RSF1: variants seen among roughly 807,000 people sequenced by gnomAD.
RSF1 encodes HBV pX-associated protein 8.
A neutral mutation model predicts 145.2 loss-of-function variants in RSF1; 13 were observed. The ratio of observed to expected loss-of-function variants is 0.09; its 90% CI spans 0.06 to 0.14. The LOEUF is 0.14. RSF1 is among the 10% of genes least tolerant of loss of function. The pLI, the probability that RSF1 is intolerant of heterozygous loss-of-function variation, is 1.00. For synonymous variants in RSF1, 577 were observed against 592.6 expected (o/e 0.97, Z 0.38); for missense variants, 1,517 against 1,718.2 (o/e 0.88, Z 2.07).
At chr11:77,749,798 G>A (rs1267905760) in intron 2 of RSF1, among the ~76,000 whole-genome samples, 1 of 152,090 alleles carries the variant, frequency 6.6e-6, no homozygotes, top group Non-Finnish European at 1.5e-5. Context: ...GCCCAGGCTG[G>A]AGTGCAGTGG....
At chr11:77,756,970 G>GT (rs1469746876) in intron 2 of RSF1, among the ~76,000 whole-genome samples, 1 of 152,172 alleles carries the variant, frequency 6.6e-6, no homozygotes, top group Non-Finnish European at 1.5e-5. Flanking sequence ...TACAAAGTGA[G>GT]TAACTGACAC....
intron 5 of RSF1, among the ~76,000 whole-genome samples, chr11:77,716,390 G>C (rs1190396000): frequency 6.6e-6 from 1 of 152,168 alleles, no homozygotes; most frequent in Non-Finnish European, 1.5e-5. Context: ...TTAACAGATA[G>C]AAGGATAAAG....
the RSF1 span, among the ~76,000 whole-genome samples, chr11:77,847,703 G>T: frequency 2.9e-3 from 443 of 152,298 alleles, 2 homozygotes; most frequent in African/African-American, 0.01. Context: ...TATATATGCA[G>T]AACTTAGTTT....
intron 4 of RSF1, chr11:77,739,436 AT>A (rs1201954138): frequency 6.6e-6 from 1 of 152,290 alleles, no homozygotes; most frequent in Non-Finnish European, 1.5e-5. Flanking sequence ...TGGTAAATAA[AT>A]TTTAGTTTAG....
the RSF1 span, among the ~76,000 whole-genome samples, chr11:77,861,119 A>T: frequency 6.6e-6 from 1 of 152,036 alleles, no homozygotes; most frequent in Non-Finnish European, 1.5e-5. Context: ...GCTCGTCCAT[A>T]TTGTCCTTCT....
chr11:77,727,867 T>C (rs79217098), intron 4 of RSF1, among the ~76,000 whole-genome samples: 2,878 of 152,336 alleles, frequency 0.019, 36 homozygotes, highest in Non-Finnish European at 0.028. Flanking sequence ...CTGTTTAATG[T>C]GTTTAAACAC....
At position 77,665,479 on chromosome 11, in the gene RSF1, A is replaced by G. The variant is rs570191713; in HGVS notation, c.*1438T>C. ...TGGCTCTGCCTGAAATTTTACAGCTATAACAGAAACTAAATAAGACAAAGT... is the reference window on the plus strand; with the variant it reads ...TGGCTCTGCCTGAAATTTTACAGCTGTAACAGAAACTAAATAAGACAAAGT... On this transcript the variant is annotated 3_prime_UTR_variant, in exon 16 of 16. Coordinates refer to ENST00000308488, the MANE Select transcript of RSF1 (RefSeq NM_016578.4). The G allele has an allele frequency of 2.6e-5, 4 of 152,360 alleles. No homozygotes were observed. Among genetic ancestry groups the G allele is most frequent in the African/African-American group, 7.2e-5 (3 of 41,594 alleles). 9.4% of individuals were successfully genotyped at this position (152,360 alleles called of 1,614,324 possible).
chr11:77,704,614 T>C (rs1436781438), intron 5 of RSF1, among the ~76,000 whole-genome samples: 1 of 152,204 alleles, frequency 6.6e-6, no homozygotes, highest in African/African-American at 2.4e-5. Flanking sequence ...TCTTTGGGTG[T>C]GTCACAAACT....
At position 77,820,583 on chromosome 11, in the gene RSF1, G is replaced by A. The variant is rs920303029; in HGVS notation, c.132C>T (p.Phe44=). 3.2e-6 allele frequency: 5 copies of A among 1,562,548 alleles called. No homozygotes were observed. The African/African-American group carries it at 5.4e-5, about 17-fold the overall frequency. Residue 44 remains phenylalanine (F), a synonymous_variant, in exon 1 of 16, where the codon TTC becomes TTT. Transcript: ENST00000308488. ...GPLLDLPELP[F]PELERVLQAP... ...CCTGCAGCACCCGCTCCAGCTCAGG[G>A]AACGGCAACTCAGGCAGGTCTAGCA...
intron 1 of RSF1, among the ~76,000 whole-genome samples, chr11:77,791,207 C>T (rs1186048033): frequency 1.3e-5 from 2 of 152,218 alleles, no homozygotes; most frequent in African/African-American, 2.4e-5. Flanking sequence ...GACTTCTGTG[C>T]ACCCACAGGC....
intron 1 of RSF1, among the ~76,000 whole-genome samples, chr11:77,812,400 T>A (rs1482957526): frequency 6.6e-6 from 1 of 152,198 alleles, no homozygotes; most frequent in Non-Finnish European, 1.5e-5. Flanking sequence ...TACTGGAGAA[T>A]AAAGCTTAGA....
chr11:77,835,145 C>T, the RSF1 span, among the ~76,000 whole-genome samples: 2 of 152,134 alleles, frequency 1.3e-5, no homozygotes, highest in Non-Finnish European at 2.9e-5. Context: ...TGAGTGTGAC[C>T]ACATGACTGT....
the RSF1 span, chr11:77,869,770 G>C: frequency 2.5e-6 from 4 of 1,614,008 alleles, no homozygotes; most frequent in East Asian, 4.5e-5. Flanking sequence ...TGTTGAGAAG[G>C]GTGTACAGAC....
chr11:77,744,663 C>T (rs1947980315), intron 3 of RSF1, among the ~76,000 whole-genome samples: 1 of 152,150 alleles, frequency 6.6e-6, no homozygotes, highest in Non-Finnish European at 1.5e-5. Context: ...GGGATAAATC[C>T]CACTTGATCA....
intron 1 of RSF1, among the ~76,000 whole-genome samples, chr11:77,779,250 C>G (rs1401182773): frequency 6.6e-6 from 1 of 152,154 alleles, no homozygotes; most frequent in Non-Finnish European, 1.5e-5. Flanking sequence ...CTCTGTTACT[C>G]AGGCTGGAGT....
At chr11:77,814,189 G>C (rs1362834015) in intron 1 of RSF1, among the ~76,000 whole-genome samples, 1 of 102,978 alleles carries the variant, frequency 9.7e-6, no homozygotes, top group East Asian at 3.1e-4. Context: ...CACAGAGCGA[G>C]ACTGTCTCAA....
rs1172460065 is a variant in RSF1, at chr11:77,683,769, T to A, written c.3006A>T (p.Lys1002Asn). The A allele has an allele frequency of 3.7e-6, 6 of 1,612,966 alleles. No homozygotes were observed. Among genetic ancestry groups the A allele is most frequent in the Non-Finnish European group, 5.1e-6 (6 of 1,179,772 alleles). The change falls in exon 11 of 16, where the codon AAA (lysine) becomes AAT (asparagine). Residue 1002 changes from lysine (K) to asparagine (N), a missense_variant. Around this residue, in one of 12 missense-constraint regions of RSF1, gnomAD observed 231 missense variants for 276.6 expected, o/e 0.84. Coordinates refer to ENST00000308488, the MANE Select transcript of RSF1 (RefSeq NM_016578.4). ...TCCTTTCAAGCAAGTTTGCTTTGGA[T>A]TTTTTTGAATCTTTTTTCTTTTCTT... Reference protein sequence around the residue: ...DQEEKKKDSKKSKANLLERRS... With the variant: ...DQEEKKKDSKNSKANLLERRS...
At chr11:77,746,888 A>C in intron 3 of RSF1, 148 bp downstream of exon 3, 1 of 537,668 alleles carries the variant, frequency 1.9e-6, no homozygotes, top group South Asian at 2.3e-5. Context: ...CAGCACTTTA[A>C]AGAATAGATT....
intron 9 of RSF1, among the ~76,000 whole-genome samples, chr11:77,686,378 A>AGCCTG (rs1278506942): frequency 2.9e-5 from 4 of 137,746 alleles, no homozygotes; most frequent in Non-Finnish European, 6.2e-5. Context: ...ACTGCACTCC[A>AGCCTG]GCCTGGGCAT....
Sources: allele counts gnomAD v4.1 joint callset (sites outside exome capture counted in the v4.1 genomes callset), GRCh38; gene constraint gnomAD v4.1.1; regional missense constraint gnomAD v4.1.1; transcripts MANE v1.5; gene names NCBI Gene and HGNC (gene_info 2026-07-23, HGNC 2026-07-21).